The following EIF3F variants were observed in gnomAD, a reference collection of about 807,000 sequenced individuals.
The protein encoded by EIF3F is deubiquitinating enzyme eIF3f.
In EIF3F, 8 loss-of-function variants were observed where a neutral mutation model predicts 36.0. The ratio of observed to expected loss-of-function variants is 0.22; its 90% CI spans 0.13 to 0.40. The LOEUF (loss-of-function observed/expected upper bound fraction) is 0.40, where lower values mean the gene tolerates loss of function less well. Among genes scored for constraint, EIF3F ranks in the 10% least tolerant of loss-of-function variants. EIF3F has a pLI of 1.00. For synonymous variants in EIF3F, 184 were observed against 188.5 expected (o/e 0.98, Z 0.19); for missense variants, 430 against 467.6 (o/e 0.92, Z 0.74).
chr11:8,000,429 A>T lies in EIF3F; in HGVS notation c.*4407A>T, dbSNP rs1942207948. The T allele has an allele frequency of 1.3e-5, 2 of 152,114 alleles. No homozygotes were observed. The highest frequency in any genetic ancestry group is 4.8e-5 in the African/African-American group (2 of 41,414). The allele number at this position is 152,114 out of a possible 1,614,324, so 9.4% of individuals were successfully genotyped here. A position where few individuals can be genotyped will look rare whatever the true frequency, so the allele number is the denominator to read the frequency against. On this transcript the variant is annotated 3_prime_UTR_variant, in exon 8 of 8. Transcript: ENST00000651655. ...GGGATAAATGGGGAGATGTTGGTCA[A>T]GGGTACAAAGTTTCAGTTAAACAGG... is the stretch of plus-strand genomic sequence containing the variant.
At chr11:7,995,879 C>A in intron 7 of EIF3F, 66 bp from the exon 8 acceptor site, 1 of 1,419,220 alleles carries the variant, frequency 7.0e-7, no homozygotes, top group Non-Finnish European at 1.0e-6. Flanking sequence ...TAGAGCTGGC[C>A]AAAGCCAGCC....
chr11:7,994,017 G>A (rs1257547267), intron 4 of EIF3F, among the ~76,000 whole-genome samples: 2 of 152,156 alleles, frequency 1.3e-5, no homozygotes, highest in Non-Finnish European at 2.9e-5. Context: ...AATGTAATTT[G>A]GTGGGCAGGA....
intron 2 of EIF3F, 33 bp from the exon 3 acceptor site, chr11:7,992,051 C>T (rs746245283): frequency 5.6e-6 from 9 of 1,607,234 alleles, no homozygotes; most frequent in Non-Finnish European, 7.7e-6. Context: ...GGACTTCTGG[C>T]TTCTTAGCTT....
chr11:7,994,756 CA>C, intron 5 of EIF3F: 1 of 721,136 alleles, frequency 1.4e-6, no homozygotes, highest in Non-Finnish European at 2.3e-6. Context: ...CACATGAGAT[CA>C]AAACCGGTGA....
intron 2 of EIF3F, 83 bp from the exon 3 acceptor site, chr11:7,992,001 T>G: frequency 6.6e-7 from 1 of 1,504,126 alleles, no homozygotes; most frequent in African/African-American, 1.4e-5. Context: ...CTTCTGTTTA[T>G]TGGGGGTGGC....
chr11:7,995,147 G>A (rs761229668), intron 6 of EIF3F, 29 bp downstream of exon 6: 3 of 1,611,978 alleles, frequency 1.9e-6, no homozygotes, highest in East Asian at 2.2e-5. Flanking sequence ...AACAAAGGGG[G>A]AGGACATAGT....
Position 7,996,318 on chromosome 11 carries a change from A to G in EIF3F, c.*296A>G, listed in dbSNP as rs144934973. 1.5e-5 allele frequency: 4 copies of G among 266,106 alleles called. No homozygotes were observed. Among genetic ancestry groups the G allele is most frequent in the African/African-American group, 2.2e-5 (1 of 45,356 alleles). 16.5% of individuals were successfully genotyped at this position (266,106 alleles called of 1,614,324 possible). A position where few individuals can be genotyped will look rare whatever the true frequency, so the allele number is the denominator to read the frequency against. On this transcript the variant is annotated 3_prime_UTR_variant, in exon 8 of 8. Transcript: ENST00000651655. ...TACCAAACTGTTCTTTTGGTTTTCA[A>G]TATGGAAAGGTGTCCATTGGCAAAA...
intron 5 of EIF3F, 193 bp downstream of exon 5, chr11:7,994,710 G>C (rs926693497): frequency 2.9e-6 from 2 of 691,860 alleles, no homozygotes; most frequent in Non-Finnish European, 4.8e-6. Context: ...ACTGTTAAAG[G>C]TGGGAAATGA....
intron 2 of EIF3F, 79 bp from the exon 3 acceptor site, chr11:7,992,005 G>A: frequency 6.6e-7 from 1 of 1,508,580 alleles, no homozygotes; most frequent in Non-Finnish European, 9.2e-7. Flanking sequence ...TGTTTATTGG[G>A]GGTGGCCTCT....
At chr11:7,994,818 G>T (rs1250925663) in intron 5 of EIF3F, 164 bp from the exon 6 acceptor site, 1 of 1,040,070 alleles carries the variant, frequency 9.6e-7, no homozygotes, top group Non-Finnish European at 1.4e-6. Flanking sequence ...AAGAAAAGCT[G>T]ATAAGGGCAC....
rs889569555 is a variant in EIF3F at position 8,001,351 on chromosome 11, A to G, written c.*5329A>G. Reference sequence around the variant, plus strand: ...CAAAATTACAAATATGCATGCCCTTAACCCAGGAATTCCACTCCTCATTAT... The same window carrying G: ...CAAAATTACAAATATGCATGCCCTTGACCCAGGAATTCCACTCCTCATTAT... On this transcript the variant is annotated 3_prime_UTR_variant, in exon 8 of 8. Coordinates refer to ENST00000651655, the MANE Select transcript of EIF3F (RefSeq NM_003754.3). 2.6e-5 allele frequency: 4 copies of G among 152,190 alleles called. No homozygotes were observed. The highest frequency in any genetic ancestry group is 7.2e-5 in the African/African-American group (3 of 41,442). 9.4% of individuals were successfully genotyped at this position (152,190 alleles called of 1,614,324 possible).
chr11:7,987,446 G>C lies in EIF3F; in HGVS notation c.94G>C (p.Ala32Pro), dbSNP rs1188207153. 1 of 1,603,068 alleles carries C rather than the reference G, an allele frequency of 6.2e-7. No homozygotes were observed. Among genetic ancestry groups the C allele is most frequent in the Admixed American group, 1.7e-5 (1 of 59,910 alleles). Residue 32 changes from alanine (A) to proline (P), a missense_variant, in exon 1 of 8, where the codon GCA (alanine) becomes CCA (proline). Around this residue, in one of 2 missense-constraint regions of EIF3F, gnomAD observed 168 missense variants for 120.2 expected, o/e 1.40. Coordinates refer to ENST00000651655, the MANE Select transcript of EIF3F (RefSeq NM_003754.3). ...AGCCTCAGTTCCAGCGCCAACGCCA[G>C]CACCGGCTGCGGCTCCGGTTCCCGC... ...APASVPAPTP[A>P]PAAAPVPAAA...
At chr11:7,995,585 C>T (rs925468535) in intron 7 of EIF3F, 6 of 597,590 alleles carry the variant, frequency 1.0e-5, no homozygotes, top group South Asian at 2.0e-5. Context: ...GTCTCATTTA[C>T]TGCTGATACT....
At chr11:7,995,905 C>T (rs1942154844) in intron 7 of EIF3F, 40 bp from the exon 8 acceptor site, 1 of 1,591,674 alleles carries the variant, frequency 6.3e-7, no homozygotes, top group East Asian at 2.2e-5. Context: ...GCTCCCTTTC[C>T]ACCCAACCCC....
chr11:7,994,557 A>G (rs926455527), intron 5 of EIF3F, 40 bp downstream of exon 5: 24 of 1,578,832 alleles, frequency 1.5e-5, no homozygotes, highest in South Asian at 6.8e-5. Flanking sequence ...GGCCATAGGC[A>G]TTTTCAGGGA....
At position 7,992,176 on chromosome 11, in the gene EIF3F, G is replaced by C. The variant is rs778397241; in HGVS notation, c.515+13G>C. The C allele has an allele frequency of 3.1e-6, 5 of 1,606,298 alleles. No individual in the cohort carries two copies. The highest frequency in any genetic ancestry group is 1.7e-5 in the Admixed American group (1 of 59,892). On this transcript the variant is annotated intron_variant, in intron 3 of 7. Transcript: ENST00000651655. Reference sequence around the variant, plus strand: ...TCATCCTGGGCTGGTAAGTTGGGGAGGTGGGGGCTGGGGTTAATGGAAGGT... The same window carrying C: ...TCATCCTGGGCTGGTAAGTTGGGGACGTGGGGGCTGGGGTTAATGGAAGGT...
chr11:7,992,430 G>A (rs1373176039), intron 3 of EIF3F: 1 of 494,366 alleles, frequency 2.0e-6, no homozygotes, highest in South Asian at 2.3e-5. Flanking sequence ...AACTTAGCCA[G>A]GCATGATGAC....
At chr11:7,994,104 T>C (rs4559682) in intron 4 of EIF3F, among the ~76,000 whole-genome samples, 52,118 of 151,958 alleles carry the variant, frequency 0.34, 10,147 homozygotes, top group African/African-American at 0.54. Flanking sequence ...CCATGGTAGG[T>C]AGCTGTCTAG....
At position 8,000,868 on chromosome 11, in the gene EIF3F, A is replaced by T. The variant is rs973523814; in HGVS notation, c.*4846A>T. 2 of 152,242 alleles carry T rather than the reference A, an allele frequency of 1.3e-5. No homozygotes were observed. Among genetic ancestry groups the T allele is most frequent in the African/African-American group, 2.4e-5 (1 of 41,470 alleles). The allele number at this position is 152,242 out of a possible 1,614,324, so 9.4% of individuals were successfully genotyped here. A position where few individuals can be genotyped will look rare whatever the true frequency, so the allele number is the denominator to read the frequency against. On this transcript the variant is annotated 3_prime_UTR_variant, in exon 8 of 8. Coordinates refer to ENST00000651655, the MANE Select transcript of EIF3F (RefSeq NM_003754.3). ...CACAGCAATGTGTTTTTAATGATTT[A>T]TGAGTGAGGAAGAACTTTCTAAGAA...
Sources: allele counts gnomAD v4.1 joint callset (sites outside exome capture counted in the v4.1 genomes callset), GRCh38; gene constraint gnomAD v4.1.1; regional missense constraint gnomAD v4.1.1; transcripts MANE v1.5; gene names NCBI Gene and HGNC (gene_info 2026-07-23, HGNC 2026-07-21).